The following HARS1 variants were observed in gnomAD, a reference collection of about 807,000 sequenced individuals.
The protein encoded by HARS1 is histidyl-tRNA synthetase 1, also known as histidine--tRNA ligase, cytoplasmic.
Under a neutral mutation model 63.6 loss-of-function variants are expected in HARS1, and 45 were observed. That is an observed-to-expected ratio of 0.71 (90% CI 0.56 to 0.91). The LOEUF (loss-of-function observed/expected upper bound fraction) is 0.91, where lower values mean the gene tolerates loss of function less well. HARS1 is among the 40% of genes least tolerant of loss of function. HARS1 has a pLI of 0.00. For synonymous variants in HARS1, 205 were observed against 247.1 expected, an observed-to-expected ratio of 0.83 and a Z score of 1.60; for missense variants, 508 against 643.2, an observed-to-expected ratio of 0.79 and a Z score of 2.27.
At chr5:140,684,591 G>A (rs183430882) in intron 2 of HARS1, 17 of 175,906 alleles carry the variant, frequency 9.7e-5, no homozygotes, top group Non-Finnish European at 1.5e-4. Context: ...CAGCATGTTC[G>A]TGGCAGTCAG....
chr5:140,674,634 G>A (rs1161769327), intron 12 of HARS1, 45 bp downstream of exon 12: 1 of 1,608,498 alleles, frequency 6.2e-7, no homozygotes, highest in Non-Finnish European at 8.5e-7. Context: ...CTGCCAAAAT[G>A]GCATACATTC....
chr5:140,690,253 ACCAT>A lies in HARS1; in HGVS notation c.180+598_180+601del, dbSNP rs1422364137. Among the ~76,000 whole-genome samples the A allele has an allele frequency of 2.0e-4, 30 of 152,148 alleles. 2 individuals carry two copies. Among genetic ancestry groups the A allele is most frequent in the Admixed American group, 2.0e-3 (30 of 15,274 alleles). The stretch of plus-strand genomic sequence containing the variant: ...GATCACTTGAGGTCAGAAGTTCAAG[ACCAT>A]CCTGGCCAATATGGTGAAACCCCGT... On this transcript the variant is annotated intron_variant, in intron 2 of 12. Transcript: ENST00000504156.
In HARS1 at chr5:140,678,098, G is replaced by T. The variant is rs867334826; in HGVS notation, c.523-83C>A. On this transcript the variant is annotated intron_variant, in intron 5 of 12. Coordinates refer to ENST00000504156, the MANE Select transcript of HARS1 (RefSeq NM_002109.6). ...TCTGGGAGCTCTGTCCTCTAGGAAG[G>T]CCTGGTTGCACTCAAGCATAGAATT... The T allele has an allele frequency of 1.9e-4, 143 of 749,664 alleles. 5 individuals carry two copies. The Middle Eastern group carries it at 5.9e-3, about 31-fold the overall frequency. 46.4% of individuals were successfully genotyped at this position (749,664 alleles called of 1,614,324 possible).
At position 140,674,079 on chromosome 5, in the gene HARS1, G is replaced by T. The variant is rs1044774036; in HGVS notation, c.*178C>A. On this transcript the variant is annotated 3_prime_UTR_variant, in exon 13 of 13. Transcript: ENST00000504156. Reference sequence around the variant, plus strand: ...TATGAAAAAGGTGTTGTACCTGGCCGTTTTTGCCAGTAATAATCAATAAAA... The same window carrying T: ...TATGAAAAAGGTGTTGTACCTGGCCTTTTTTGCCAGTAATAATCAATAAAA... 5 of 679,410 alleles carry T rather than the reference G, an allele frequency of 7.4e-6. No individual in the cohort carries two copies. In the Admixed American group the frequency reaches 8.6e-5, roughly 12 times the overall value. The allele number at this position is 679,410 out of a possible 1,614,324, so 42.1% of individuals were successfully genotyped here.
intron 10 of HARS1, 166 bp from the exon 11 acceptor site, chr5:140,675,299 G>A: frequency 1.6e-6 from 1 of 613,252 alleles, no homozygotes; most frequent in South Asian, 1.9e-5. Context: ...TAGTAGATAT[G>A]AGGACTGAAC....
rs774719275 is a variant in HARS1 at position 140,679,574 on chromosome 5, C to T, written c.396+214G>A. The T allele has an allele frequency of 4.5e-5, 22 of 492,760 alleles. No homozygotes were observed. Among genetic ancestry groups the T allele is most frequent in the Admixed American group, 1.1e-4 (3 of 26,284 alleles). 30.5% of individuals were successfully genotyped at this position (492,760 alleles called of 1,614,324 possible). On this transcript the variant is annotated intron_variant, in intron 4 of 12. Coordinates refer to ENST00000504156, the MANE Select transcript of HARS1 (RefSeq NM_002109.6). This position sits in a 1 kb window ranked among gnomAD's most constrained non-coding sequence, Gnocchi z 4.3. Reference sequence around the variant, plus strand: ...GATGACTGTAGAGTTGGAACTGGGCCCTGACATCAAGCTGAGGTCTCACTC... The same window carrying T: ...GATGACTGTAGAGTTGGAACTGGGCTCTGACATCAAGCTGAGGTCTCACTC...
At chr5:140,691,175 G>C in intron 1 of HARS1, 40 bp downstream of exon 1, 1 of 1,447,086 alleles carries the variant, frequency 6.9e-7, no homozygotes. Flanking sequence ...CGTCCTCCCA[G>C]GCTTTGCCTT....
At chr5:140,686,353 C>T (rs1227100827) in intron 2 of HARS1, among the ~76,000 whole-genome samples, 1 of 152,240 alleles carries the variant, frequency 6.6e-6, no homozygotes, top group Non-Finnish European at 1.5e-5. Flanking sequence ...GATTCTCCTG[C>T]CTCAGCCTCC....
Position 140,683,117 on chromosome 5 carries a change from G to A in HARS1, c.283C>T (p.Pro95Ser). Reference sequence around the variant, plus strand: ...TTCCTCACCTTTAGTTCAAATACAGGTGTATCAATGACTTCTGCACCGTGG... The same window carrying A: ...TTCCTCACCTTTAGTTCAAATACAGATGTATCAATGACTTCTGCACCGTGG... Reference protein sequence around the residue: ...KRHGAEVIDTPVFELKETLMG... With the variant: ...KRHGAEVIDTSVFELKETLMG... Residue 95 changes from proline (P) to serine (S), a missense_variant, in exon 3 of 13, where the codon CCT becomes TCT. Physicochemically the swap from Pro to Ser is moderately conservative, Grantham distance 74. Transcript: ENST00000504156. 1.2e-6 allele frequency: 2 copies of A among 1,613,826 alleles called. No individual in the cohort carries two copies. Among genetic ancestry groups the A allele is most frequent in the African/African-American group, 1.3e-5 (1 of 75,006 alleles).
In HARS1 at chr5:140,679,585, G is replaced by A. The variant is rs759682096; in HGVS notation, c.396+203C>T. ...AGTTGGAACTGGGCCCTGACATCAA[G>A]CTGAGGTCTCACTCAGGATTCAGAA... On this transcript the variant is annotated intron_variant, in intron 4 of 12. Coordinates refer to ENST00000504156, the MANE Select transcript of HARS1 (RefSeq NM_002109.6). The surrounding 1 kb of genome is among the most constrained non-coding windows in gnomAD (Gnocchi z 4.3). 5 of 504,992 alleles carry A rather than the reference G, an allele frequency of 9.9e-6. No individual in the cohort carries two copies. The highest frequency in any genetic ancestry group is 2.0e-5 in the African/African-American group (1 of 50,634). The allele number at this position is 504,992 out of a possible 1,614,324, so 31.3% of individuals were successfully genotyped here. A position where few individuals can be genotyped will look rare whatever the true frequency, so the allele number is the denominator to read the frequency against.
chr5:140,680,907 T>TAAAA (rs148394305), intron 3 of HARS1, among the ~76,000 whole-genome samples: 90 of 150,580 alleles, frequency 6.0e-4, no homozygotes, highest in Middle Eastern at 6.9e-3. Flanking sequence ...TTTTTTTTTT[T>TAAAA]AAAAAAAAGT....
intron 2 of HARS1, among the ~76,000 whole-genome samples, 156 bp downstream of exon 2, chr5:140,690,699 G>A (rs1759356171): frequency 6.6e-6 from 1 of 152,126 alleles, no homozygotes; most frequent in South Asian, 2.1e-4. Flanking sequence ...GAATGACTCA[G>A]GTAGAGTCCA....
rs1398354062 is a variant in HARS1 at position 140,676,691 on chromosome 5, A to C, written c.1157T>G (p.Val386Gly). 6.2e-7 allele frequency: 1 copy of C among 1,614,184 alleles called. No homozygotes were observed. The highest frequency in any genetic ancestry group is 8.5e-7 in the Non-Finnish European group (1 of 1,180,028). The change falls in exon 10 of 13, where the codon GTG becomes GGG. Residue 386 changes from valine to glycine, a missense_variant. Transcript: ENST00000504156. This position sits in a 1 kb window ranked among gnomAD's most constrained non-coding sequence, Gnocchi z 4.1. ...TTCCACGATGGAGAAAATCCGCTCC[A>C]CCCCAATGCTGAGCCCCACACATGG... ...KVPCVGLSIG[V>G]ERIFSIVEQR...
rs145532449 is a variant in HARS1 at position 140,673,945 on chromosome 5, G to C, written c.*312C>G. On this transcript the variant is annotated 3_prime_UTR_variant, in exon 13 of 13. Transcript: ENST00000504156. ...TTTTATTGGACCTTTGGCAATTGGT[G>C]GTGGGGAGGCATCTGCTCCAACTGG... is the stretch of plus-strand genomic sequence containing the variant. 1,343 of 562,264 alleles carry C rather than the reference G, an allele frequency of 2.4e-3. 6 individuals carry two copies. The highest frequency in any genetic ancestry group is 0.01 in the Middle Eastern group (21 of 2,074). The allele number at this position is 562,264 out of a possible 1,614,324, so 34.8% of individuals were successfully genotyped here. A position where few individuals can be genotyped will look rare whatever the true frequency, so the allele number is the denominator to read the frequency against.
intron 7 of HARS1, 85 bp downstream of exon 7, chr5:140,677,570 G>C (rs1238630772): frequency 9.3e-7 from 1 of 1,078,648 alleles, no homozygotes; most frequent in East Asian, 2.4e-5. Flanking sequence ...ATAGAGGCAT[G>C]CACCTCTCTC....
intron 2 of HARS1, among the ~76,000 whole-genome samples, chr5:140,689,650 T>C (rs1759254136): frequency 6.6e-6 from 1 of 152,142 alleles, no homozygotes. Flanking sequence ...TGATCCACAG[T>C]TGGTTGAATC....
chr5:140,683,028 C>T, intron 3 of HARS1, 72 bp downstream of exon 3: 1 of 1,483,388 alleles, frequency 6.7e-7, no homozygotes, highest in Non-Finnish European at 9.3e-7. Context: ...CCCTCACTCT[C>T]TTGTTGTCAT....
Position 140,691,284 on chromosome 5 carries a change from C to T in HARS1, c.21G>A (p.Leu7=), listed in dbSNP as rs764553034. The change falls in exon 1 of 13, where the codon CTG becomes CTA. Residue 7 remains leucine (L), a synonymous_variant. Transcript: ENST00000504156. ...CTCCCTGAAGTTTCACCAGCTCCTC[C>T]AGCGCCGCACGCTCTGCCATCCCGG... MAERAA[L]EELVKLQGER... is the part of the protein sequence containing the mutation. 2 of 1,607,390 alleles carry T rather than the reference C, an allele frequency of 1.2e-6. No individual in the cohort carries two copies. The highest frequency in any genetic ancestry group is 8.5e-7 in the Non-Finnish European group (1 of 1,179,250).
rs138414368 is a variant in HARS1, at chr5:140,690,022, A to G, written c.180+833T>C. ...TCTTTGTCACACTTGTCCTCTGGCTATCTCCTACTCATTCATTAGATCAGT... is the reference window on the plus strand; with the variant it reads ...TCTTTGTCACACTTGTCCTCTGGCTGTCTCCTACTCATTCATTAGATCAGT... On this transcript the variant is annotated intron_variant, in intron 2 of 12. Coordinates refer to ENST00000504156, the MANE Select transcript of HARS1 (RefSeq NM_002109.6). Among the ~76,000 whole-genome samples, 1,452 of 152,282 alleles carry G rather than the reference A, an allele frequency of 9.5e-3. 12 individuals carry two copies. Among genetic ancestry groups the G allele is most frequent in the Non-Finnish European group, 0.013 (856 of 68,018 alleles).
Sources: allele counts gnomAD v4.1 joint callset (sites outside exome capture counted in the v4.1 genomes callset), GRCh38; gene constraint gnomAD v4.1.1; non-coding constraint Gnocchi (gnomAD v3.1); transcripts MANE v1.5; gene names NCBI Gene and HGNC (gene_info 2026-07-23, HGNC 2026-07-21).